The following ITGA8 variants were observed in gnomAD, a reference collection of about 807,000 sequenced individuals.
ITGA8 encodes integrin subunit alpha 8, also known as integrin alpha-8.
ITGA8 carries 91 observed loss-of-function variants against 142.3 expected under a neutral mutation model. The observed-to-expected ratio is 0.64, with a 90% CI of 0.54 to 0.76. The LOEUF (loss-of-function observed/expected upper bound fraction) is 0.76. Among genes scored for constraint, ITGA8 ranks in the 30% least tolerant of loss-of-function variants. ITGA8 has a pLI of 0.00. For missense variants in ITGA8, 1,406 were observed against 1,327.7 expected, an observed-to-expected ratio of 1.06 and a Z score of -0.92; for synonymous variants, 505 against 485.2, an observed-to-expected ratio of 1.04 and a Z score of -0.54.
chr10:15,623,411 C>G (rs1330258332), intron 13 of ITGA8, among the ~76,000 whole-genome samples: 1 of 152,136 alleles, frequency 6.6e-6, no homozygotes, highest in Non-Finnish European at 1.5e-5. Context: ...TATGGCCAGG[C>G]ATAGTAGCTC....
At chr10:15,708,101 C>T (rs182039242) in intron 2 of ITGA8, among the ~76,000 whole-genome samples, 37 of 152,062 alleles carry the variant, frequency 2.4e-4, no homozygotes, top group Admixed American at 2.6e-4. Context: ...TGTTAGTGGA[C>T]GTACTCCACG....
intron 8 of ITGA8, among the ~76,000 whole-genome samples, chr10:15,662,758 G>A (rs1934945): frequency 6.6e-6 from 1 of 152,172 alleles, no homozygotes; most frequent in Admixed American, 6.5e-5. Flanking sequence ...TTGCAGCTTA[G>A]AAAGGTTCTA....
intron 6 of ITGA8, among the ~76,000 whole-genome samples, chr10:15,673,795 A>G (rs1834574526): frequency 6.7e-6 from 1 of 149,496 alleles, no homozygotes; most frequent in African/African-American, 2.6e-5. Flanking sequence ...ATGGGCACCA[A>G]CATTGACGTG....
chr10:15,539,590 C>G (rs1471917139), intron 27 of ITGA8, among the ~76,000 whole-genome samples: 3 of 152,060 alleles, frequency 2.0e-5, no homozygotes, highest in African/African-American at 7.2e-5. Flanking sequence ...AATTGTCTGC[C>G]TTATGGAACT....
intron 2 of ITGA8, among the ~76,000 whole-genome samples, chr10:15,714,582 A>T (rs1835418043): frequency 6.6e-6 from 1 of 152,194 alleles, no homozygotes; most frequent in Admixed American, 6.5e-5. Context: ...TCTAGTATTC[A>T]TGCATTTGAA....
At chr10:15,517,276 G>A (rs762985188) in intron 29 of ITGA8, 32 bp from the exon 30 acceptor site, 19 of 1,449,566 alleles carry the variant, frequency 1.3e-5, no homozygotes, top group Middle Eastern at 1.8e-4. Context: ...ATAAAATCAC[G>A]TCATTCTGGG....
At chr10:15,658,643 C>T (rs1456286771) in intron 10 of ITGA8, among the ~76,000 whole-genome samples, 1 of 152,198 alleles carries the variant, frequency 6.6e-6, no homozygotes, top group East Asian at 1.9e-4. Flanking sequence ...ATTGGCACCT[C>T]AGAGGCCTCC....
chr10:15,514,071 G>A lies in ITGA8; in HGVS notation c.*3087C>T, dbSNP rs754203162. The A allele has an allele frequency of 2.0e-4, 31 of 152,084 alleles. No individual in the cohort carries two copies. The highest frequency in any genetic ancestry group is 4.2e-4 in the South Asian group (2 of 4,818). 9.4% of individuals were successfully genotyped at this position (152,084 alleles called of 1,614,324 possible). On this transcript the variant is annotated 3_prime_UTR_variant, in exon 30 of 30. Coordinates refer to ENST00000378076, the MANE Select transcript of ITGA8 (RefSeq NM_003638.3). ...GAGTTCTAAGAATGCAGTTTCAGGG[G>A]TGACTAGTACATATTATTTTTTTAT...
intron 13 of ITGA8, among the ~76,000 whole-genome samples, chr10:15,636,088 T>C (rs1833768756): frequency 6.6e-6 from 1 of 152,178 alleles, no homozygotes; most frequent in African/African-American, 2.4e-5. Context: ...GCCCATGTTT[T>C]CCTCCAGTTT....
intron 15 of ITGA8, among the ~76,000 whole-genome samples, chr10:15,609,055 TG>T (rs1407942554): frequency 6.6e-6 from 1 of 152,074 alleles, no homozygotes. Context: ...AGAGACACTT[TG>T]GAGTTGTGCC....
At chr10:15,663,066 C>G (rs1327226650) in intron 8 of ITGA8, among the ~76,000 whole-genome samples, 1 of 152,126 alleles carries the variant, frequency 6.6e-6, no homozygotes, top group Non-Finnish European at 1.5e-5. Context: ...CTATGCATGT[C>G]CCACCTAGCA....
chr10:15,696,695 A>G (rs1327850997), intron 2 of ITGA8, among the ~76,000 whole-genome samples: 1 of 151,980 alleles, frequency 6.6e-6, no homozygotes, highest in Admixed American at 6.6e-5. Flanking sequence ...TTGTTTCAGT[A>G]TTTTGTTCAG....
chr10:15,598,306 C>T (rs191162841), intron 20 of ITGA8, among the ~76,000 whole-genome samples: 6 of 152,170 alleles, frequency 3.9e-5, no homozygotes, highest in Admixed American at 2.6e-4. Context: ...ACCATTTATC[C>T]ATCTGTCAGC....
intron 2 of ITGA8, among the ~76,000 whole-genome samples, chr10:15,706,053 T>G (rs1402539484): frequency 6.6e-6 from 1 of 152,182 alleles, no homozygotes; most frequent in Non-Finnish European, 1.5e-5. Context: ...TCAGACATCT[T>G]GCCTGAGCTC....
intron 2 of ITGA8, among the ~76,000 whole-genome samples, chr10:15,689,971 G>T (rs1834902772): frequency 6.6e-6 from 1 of 152,132 alleles, no homozygotes; most frequent in Non-Finnish European, 1.5e-5. Context: ...GCACTTAAGG[G>T]AGCTTTGGTC....
chr10:15,697,671 T>C (rs988458155), intron 2 of ITGA8, among the ~76,000 whole-genome samples: 4 of 152,342 alleles, frequency 2.6e-5, no homozygotes, highest in South Asian at 2.1e-4. Flanking sequence ...TGTGTTCCAA[T>C]AGAATTTCAT....
At position 15,637,180 on chromosome 10, in the gene ITGA8, G is replaced by C. The variant is rs577853270; in HGVS notation, c.1399+6850C>G. On this transcript the variant is annotated intron_variant, in intron 13 of 29. Transcript: ENST00000378076. Reference sequence around the variant, plus strand: ...TTTAAACAGAGGCTGTCCCTCTCCAGCATCCTAGAATGCAGTTTTTCAAAA... The same window carrying C: ...TTTAAACAGAGGCTGTCCCTCTCCACCATCCTAGAATGCAGTTTTTCAAAA... Among the ~76,000 whole-genome samples the C allele has an allele frequency of 5.3e-5, 8 of 152,292 alleles. No individual in the cohort carries two copies. The South Asian group carries it at 1.5e-3, about 28-fold the overall frequency.
chr10:15,532,129 T>C (rs1833314761), intron 27 of ITGA8, among the ~76,000 whole-genome samples: 1 of 151,724 alleles, frequency 6.6e-6, no homozygotes. Context: ...CCTCCCTCAG[T>C]TGTGACAATC....
At chr10:15,719,160 G>C (rs1395372883) in intron 1 of ITGA8, among the ~76,000 whole-genome samples, 1 of 152,214 alleles carries the variant, frequency 6.6e-6, no homozygotes, top group East Asian at 1.9e-4. Context: ...TGGGGTAGGA[G>C]GAAGCCAAGG....
Sources: gnomAD v4.1 joint callset for allele counts (sites outside exome capture counted in the v4.1 genomes callset) on GRCh38, gnomAD v4.1.1 for gene constraint, MANE v1.5 for transcripts, NCBI Gene and HGNC (gene_info 2026-07-23, HGNC 2026-07-21) for gene names.